LOXL4: variants seen among roughly 807,000 people sequenced by gnomAD.
LOXL4 encodes lysyl oxidase like 4, also known as lysyl oxidase homolog 4.
LOXL4 carries 72 observed loss-of-function variants against 89.1 expected under a neutral mutation model. The observed-to-expected ratio is 0.81, with a 90% CI of 0.67 to 0.98. LOXL4 has a LOEUF of 0.98. LOXL4 is among the 50% of genes least tolerant of loss of function. The pLI is 0.00. For synonymous variants in LOXL4, 355 were observed against 392.1 expected, an observed-to-expected ratio of 0.91 and a Z score of 1.12; for missense variants, 984 against 1,017.5, an observed-to-expected ratio of 0.97 and a Z score of 0.45.
intron 5 of LOXL4, 31 bp downstream of exon 5, chr10:98,259,360 T>C (rs1858475313): frequency 1.9e-6 from 3 of 1,610,908 alleles, no homozygotes; most frequent in Non-Finnish European, 2.5e-6. Context: ...CACACCCCTT[T>C]GCCTCCTCCC....
intron 3 of LOXL4, among the ~76,000 whole-genome samples, chr10:98,261,404 G>A (rs1230869469): frequency 1.3e-5 from 2 of 152,176 alleles, no homozygotes; most frequent in Non-Finnish European, 2.9e-5. Flanking sequence ...TCTGGCCCCC[G>A]CTGGGATCAG....
intron 9 of LOXL4, 113 bp from the exon 10 acceptor site, chr10:98,255,852 G>C: frequency 3.8e-6 from 5 of 1,318,078 alleles, no homozygotes; most frequent in Non-Finnish European, 5.2e-6. Context: ...TCCAGCCTGG[G>C]CCTGAAAATC....
rs1429055449 is a variant in LOXL4 at position 98,253,570 on chromosome 10, A to G, written c.1818T>C (p.Val606=). The part of the protein sequence containing the change: ...FRPKTGRDSW[V]WHQCHRHYHS... The stretch of plus-strand genomic sequence containing the variant: ...GCTCTAACCTGTGGCACTGGTGCCA[A>G]ACCCAGCTATCGCGTCCAGTCTTTG... The change falls in exon 11 of 15, where the codon GTT becomes GTC. Residue 606 remains valine (V), a synonymous_variant. Transcript: ENST00000260702. The G allele has an allele frequency of 6.2e-7, 1 of 1,614,148 alleles. No homozygotes were observed. The highest frequency in any genetic ancestry group is 1.3e-5 in the African/African-American group (1 of 74,958).
Position 98,262,878 on chromosome 10 carries a change from C to T in LOXL4, c.142G>A (p.Val48Met). ...GTGCCCCACTGGCCCTGGTGCAGCA[C>T]CTCCAGGCGGCCCTCCTCTGGCTTG... ...ESKPEEGRLE[V>M]LHQGQWGTVC... Residue 48 changes from valine to methionine, a missense_variant, in exon 2 of 15, where the codon GTG becomes ATG. By Grantham distance (21) the Val-to-Met change is conservative. Coordinates refer to ENST00000260702, the MANE Select transcript of LOXL4 (RefSeq NM_032211.7). 1 of 1,613,744 alleles carries T rather than the reference C, an allele frequency of 6.2e-7. No homozygotes were observed. The highest frequency in any genetic ancestry group is 1.7e-4 in the Middle Eastern group (1 of 6,058).
chr10:98,258,968 C>T (rs1022095032), intron 6 of LOXL4, 41 bp downstream of exon 6: 11 of 1,467,886 alleles, frequency 7.5e-6, no homozygotes, highest in Non-Finnish European at 1.0e-5. Context: ...CCCGCCCGTG[C>T]CTCCAAGCTG....
At chr10:98,267,643 G>A (rs1252025690) in intron 1 of LOXL4, among the ~76,000 whole-genome samples, 1 of 152,130 alleles carries the variant, frequency 6.6e-6, no homozygotes, top group Non-Finnish European at 1.5e-5. Flanking sequence ...GTCCAGGCTA[G>A]GAAAGAGGGG....
intron 6 of LOXL4, among the ~76,000 whole-genome samples, 168 bp downstream of exon 6, chr10:98,258,841 G>T (rs926195720): frequency 6.6e-6 from 1 of 152,140 alleles, no homozygotes; most frequent in African/African-American, 2.4e-5. Context: ...GGCTATAAAT[G>T]ATCCCTTTTA....
At chr10:98,253,316 A>G (rs563425979) in intron 11 of LOXL4, among the ~76,000 whole-genome samples, 1 of 152,250 alleles carries the variant, frequency 6.6e-6, no homozygotes, top group Non-Finnish European at 1.5e-5. Flanking sequence ...TGACGCCTCT[A>G]TGGGATGTTG....
chr10:98,252,932 C>G (rs553721073), intron 11 of LOXL4, among the ~76,000 whole-genome samples: 2 of 152,346 alleles, frequency 1.3e-5, no homozygotes, highest in African/African-American at 4.8e-5. Flanking sequence ...CAGGCGAGAC[C>G]AAGTCCCAAA....
intron 13 of LOXL4, 97 bp from the exon 14 acceptor site, chr10:98,251,273 C>T (rs377486850): frequency 9.0e-6 from 9 of 997,522 alleles, no homozygotes; most frequent in South Asian, 8.4e-5. Context: ...CTATTTGCTT[C>T]ATTAATTCTT....
intron 14 of LOXL4, among the ~76,000 whole-genome samples, chr10:98,249,848 ATCTAC>A (rs1432617798): frequency 6.6e-6 from 1 of 152,184 alleles, no homozygotes; most frequent in African/African-American, 2.4e-5. Flanking sequence ...TGGCAGCACA[ATCTAC>A]TCAGCCACAC....
Position 98,251,194 on chromosome 10 carries a change from A to T in LOXL4, c.2089-18T>A. ...ACAATCACCTAGAGTGAAAGAGGGG[A>T]CAACTGAAAATGGGTGATTTGGTTT... On this transcript the variant is annotated intron_variant, in intron 13 of 14. Transcript: ENST00000260702. The T allele has an allele frequency of 6.4e-7, 1 of 1,568,894 alleles. No individual in the cohort carries two copies. Among genetic ancestry groups the T allele is most frequent in the Non-Finnish European group, 8.8e-7 (1 of 1,139,460 alleles).
chr10:98,249,141 G>A, intron 14 of LOXL4, 150 bp from the exon 15 acceptor site: 1 of 649,508 alleles, frequency 1.5e-6, no homozygotes, highest in South Asian at 1.9e-5. Context: ...AAATAGGCCT[G>A]GGACAGGTGT....
chr10:98,260,288 G>T (rs941825539), intron 4 of LOXL4, among the ~76,000 whole-genome samples: 2 of 152,116 alleles, frequency 1.3e-5, no homozygotes, highest in South Asian at 2.1e-4. Context: ...TGGGATATTC[G>T]CAGTGGAATT....
At position 98,255,637 on chromosome 10, in the gene LOXL4, C is replaced by T. The variant is rs199622385; in HGVS notation, c.1531G>A (p.Gly511Arg). The part of the protein sequence containing the change: ...ELALQQCQRH[G>R]PVHCSHGGGR... ...CCACCGTGGGAGCAGTGCACCGGCC[C>T]GTGCCTCTGGCACTGCTGCAGGGCC... The change falls in exon 10 of 15, where the codon GGG (glycine) becomes AGG (arginine). Residue 511 changes from glycine to arginine, a missense_variant. Transcript: ENST00000260702. 297 of 1,613,498 alleles carry T rather than the reference C, an allele frequency of 1.8e-4. 3 individuals are homozygous for T. Among genetic ancestry groups the T allele is most frequent in the South Asian group, 1.2e-3 (112 of 91,062 alleles).
chr10:98,259,477 CA>C (rs1858479297), intron 4 of LOXL4, 48 bp from the exon 5 acceptor site: 1 of 1,507,430 alleles, frequency 6.6e-7, no homozygotes, highest in Non-Finnish European at 9.2e-7. Flanking sequence ...GTGGAAGTCC[CA>C]CCCCCTGCCA....
At chr10:98,254,879 A>G (rs1858310229) in intron 10 of LOXL4, among the ~76,000 whole-genome samples, 1 of 152,148 alleles carries the variant, frequency 6.6e-6, no homozygotes, top group South Asian at 2.1e-4. Flanking sequence ...GGAAGCCAGG[A>G]GCTCACTGAC....
At chr10:98,249,672 A>T (rs918985251) in intron 14 of LOXL4, among the ~76,000 whole-genome samples, 2 of 152,166 alleles carry the variant, frequency 1.3e-5, no homozygotes, top group Non-Finnish European at 2.9e-5. Context: ...GTTGGATCCT[A>T]AACACTGGCA....
chr10:98,255,706 G>A lies in LOXL4; in HGVS notation c.1462C>T (p.Gln488Ter). 6.2e-7 allele frequency: 1 copy of A among 1,612,846 alleles called. No individual in the cohort carries two copies. The highest frequency in any genetic ancestry group is 8.5e-7 in the Non-Finnish European group (1 of 1,178,948). Reference sequence around the variant, plus strand: ...CGCACCCCACTCATCACCACCTCCTGGGCCCTTGGCGTCCCCGACCAGAAC... The same window carrying A: ...CGCACCCCACTCATCACCACCTCCTAGGCCCTTGGCGTCCCCGACCAGAAC... ...TWFWSGTPRA[Q>*]EVVMSGVRCS... Residue 488 changes from glutamine (Q) to a stop codon, truncating the protein, a stop_gained, in exon 10 of 15, where the codon CAG (glutamine) becomes TAG (stop). Transcript: ENST00000260702. LOFTEE classifies it high-confidence loss of function.
Sources: allele counts gnomAD v4.1 joint callset (sites outside exome capture counted in the v4.1 genomes callset), GRCh38; gene constraint gnomAD v4.1.1; transcripts MANE v1.5; gene names NCBI Gene and HGNC (gene_info 2026-07-23, HGNC 2026-07-21).